Variants in CLVS1 observed in about 807,000 individuals in gnomAD.
The protein encoded by CLVS1 is clavesin-1.
CLVS1 carries 10 observed loss-of-function variants against 33.1 expected under a neutral mutation model. The observed-to-expected ratio is 0.30, with a 90% CI of 0.19 to 0.51. The LOEUF (loss-of-function observed/expected upper bound fraction) is 0.51. Ranked by LOEUF, CLVS1 falls within the 20% of genes least tolerant of loss-of-function variation. CLVS1 has a pLI of 0.97. For synonymous variants in CLVS1, 163 were observed against 166.1 expected, an observed-to-expected ratio of 0.98 and a Z score of 0.14; for missense variants, 343 against 433.4, an observed-to-expected ratio of 0.79 and a Z score of 1.85.
chr8:61,270,547 T>G (rs1809415617), intron 2 of CLVS1, among the ~76,000 whole-genome samples: 1 of 152,148 alleles, frequency 6.6e-6, no homozygotes, highest in African/African-American at 2.4e-5. Context: ...TTAGGGAGGA[T>G]TCCCTCTTTT....
At chr8:61,341,713 C>T (rs1812035350) in intron 2 of CLVS1, among the ~76,000 whole-genome samples, 1 of 152,142 alleles carries the variant, frequency 6.6e-6, no homozygotes, top group Non-Finnish European at 1.5e-5. Context: ...ATGTAGGAGA[C>T]AGTCTCACAG....
chr8:61,396,811 G>A (rs1226832004), intron 3 of CLVS1, among the ~76,000 whole-genome samples: 3 of 152,122 alleles, frequency 2.0e-5, no homozygotes, highest in African/African-American at 7.2e-5. Context: ...TTTGTAACTG[G>A]CTTCTTTCTC....
rs574492013 is a variant in CLVS1 at position 61,115,414 on chromosome 8, T to C, written c.-242-16356T>C. Among the ~76,000 whole-genome samples the C allele has an allele frequency of 5.2e-3, 794 of 152,108 alleles. 3 individuals carry two copies. The highest frequency in any genetic ancestry group is 0.018 in the African/African-American group (751 of 41,496). On this transcript the variant is annotated intron_variant, in intron 1 of 2. Coordinates refer to the CLVS1 transcript ENST00000522621. ...ATTATACTTTAAGTTTTAGGGTACA[T>C]GTGCACATTGTGCAGGTTAGTTACA...
intron 1 of CLVS1, among the ~76,000 whole-genome samples, chr8:61,100,300 A>G (rs1008743496): frequency 5.3e-5 from 8 of 152,226 alleles, no homozygotes; most frequent in African/African-American, 1.7e-4. Context: ...TCACTATTTT[A>G]TTAATCAGTA....
At chr8:61,366,703 A>G (rs1328331066) in intron 2 of CLVS1, among the ~76,000 whole-genome samples, 1 of 152,202 alleles carries the variant, frequency 6.6e-6, no homozygotes, top group Non-Finnish European at 1.5e-5. Flanking sequence ...AGGGATTCAA[A>G]GGCAAATGCA....
intron 1 of CLVS1, among the ~76,000 whole-genome samples, chr8:61,109,384 G>A (rs558771001): frequency 2.3e-4 from 35 of 151,904 alleles, no homozygotes; most frequent in Non-Finnish European, 2.8e-4. Context: ...CAGCACACCC[G>A]GTTAAATCAG....
chr8:61,003,568 G>A, the CLVS1 span, among the ~76,000 whole-genome samples: 2 of 152,206 alleles, frequency 1.3e-5, no homozygotes, highest in Non-Finnish European at 2.9e-5. Flanking sequence ...CACAGAATTT[G>A]ATGGTTTAGC....
At chr8:61,132,476 G>C (rs993179366) in intron 2 of CLVS1, among the ~76,000 whole-genome samples, 4 of 152,222 alleles carry the variant, frequency 2.6e-5, no homozygotes, top group Admixed American at 2.6e-4. Flanking sequence ...GCTGAGACTG[G>C]CTGAATGGGG....
At chr8:61,033,053 A>G in the CLVS1 span, among the ~76,000 whole-genome samples, 1 of 92,154 alleles carries the variant, frequency 1.1e-5, no homozygotes, top group Non-Finnish European at 2.4e-5. Flanking sequence ...AAGAAAAAGA[A>G]AGAAAGATAG....
upstream of CLVS1, chr8:61,287,882 G>A (rs113830027): frequency 6.9e-3 from 2,356 of 341,068 alleles, 63 homozygotes; most frequent in African/African-American, 0.048. Flanking sequence ...ACGTCTCAAC[G>A]GAACCAGGGA....
At chr8:61,074,437 T>TAG (rs989690592) in intron 1 of CLVS1, among the ~76,000 whole-genome samples, 3 of 143,714 alleles carry the variant, frequency 2.1e-5, no homozygotes, top group African/African-American at 7.9e-5. Context: ...ATATATGTTA[T>TAG]ATATATATAA....
At chr8:61,146,320 C>T (rs752351238) in intron 2 of CLVS1, among the ~76,000 whole-genome samples, 2 of 152,144 alleles carry the variant, frequency 1.3e-5, no homozygotes, top group Non-Finnish European at 2.9e-5. Flanking sequence ...CAAGTTTAAC[C>T]CCTATTTAGT....
chr8:60,976,759 C>T, the CLVS1 span, among the ~76,000 whole-genome samples: 19 of 152,268 alleles, frequency 1.2e-4, no homozygotes, highest in Admixed American at 1.2e-3. Context: ...CCGCCCTCAT[C>T]CCCTAGCCCT....
chr8:61,272,206 C>T (rs1280788150), intron 2 of CLVS1, among the ~76,000 whole-genome samples: 1 of 151,894 alleles, frequency 6.6e-6, no homozygotes, highest in East Asian at 1.9e-4. Context: ...CAAAATCTCT[C>T]AGCATTTGCT....
rs370014967 is a variant in CLVS1 at position 61,151,630 on chromosome 8, C to G, written c.-152+19770C>G. Among the ~76,000 whole-genome samples the G allele has an allele frequency of 6.6e-5, 10 of 152,094 alleles. 1 individual carries two copies. Among genetic ancestry groups the G allele is most frequent in the Admixed American group, 5.9e-4 (9 of 15,270 alleles). On this transcript the variant is annotated intron_variant, in intron 2 of 2. Coordinates refer to the CLVS1 transcript ENST00000522621. Reference sequence around the variant, plus strand: ...GGAGGCAGTGAGGGATGGGAGCACCCGGGCCCCAGGTGTGCCTTTCACAGG... The same window carrying G: ...GGAGGCAGTGAGGGATGGGAGCACCGGGGCCCCAGGTGTGCCTTTCACAGG...
At chr8:60,995,604 C>T in the CLVS1 span, among the ~76,000 whole-genome samples, 221 of 152,314 alleles carry the variant, frequency 1.5e-3, 2 homozygotes, top group Admixed American at 3.5e-3. Context: ...GTCAGAGTGG[C>T]GATTCCTCAG....
At chr8:61,232,023 G>GTTTGTTTGTTTTTT in intron 2 of CLVS1, among the ~76,000 whole-genome samples, 6 of 62,656 alleles carry the variant, frequency 9.6e-5, no homozygotes, top group African/African-American at 2.4e-4. Flanking sequence ...GAAAGTTGTG[G>GTTTGTTTGTTTTTT]TTTTTTTTTT....
At chr8:61,151,535 A>G (rs1407381644) in intron 2 of CLVS1, among the ~76,000 whole-genome samples, 1 of 152,130 alleles carries the variant, frequency 6.6e-6, no homozygotes, top group Non-Finnish European at 1.5e-5. Context: ...GACTTCTTAA[A>G]GTGAGAATAG....
chr8:61,027,112 A>G, the CLVS1 span, among the ~76,000 whole-genome samples: 3 of 152,284 alleles, frequency 2.0e-5, no homozygotes, highest in South Asian at 2.1e-4. Flanking sequence ...TATGATTACC[A>G]TCATCTCATG....
Sources: gnomAD v4.1 joint callset for allele counts (sites outside exome capture counted in the v4.1 genomes callset) on GRCh38, gnomAD v4.1.1 for gene constraint, MANE v1.5 for transcripts, NCBI Gene and HGNC (gene_info 2026-07-23, HGNC 2026-07-21) for gene names.